The following PLGRKT variants were observed in gnomAD, a reference collection of about 807,000 sequenced individuals.
PLGRKT encodes plasminogen receptor with a C-terminal lysine, also known as plasminogen receptor (KT).
A neutral mutation model predicts 18.5 loss-of-function variants in PLGRKT; 22 were observed. The ratio of observed to expected loss-of-function variants is 1.19; its 90% CI spans 0.85 to 1.70. The LOEUF is 1.70. Ranked by LOEUF, PLGRKT falls within the 40% of genes most tolerant of loss-of-function variation. The pLI is 0.00. For synonymous variants in PLGRKT, 72 were observed against 52.8 expected, an observed-to-expected ratio of 1.36 and a Z score of -1.58; for missense variants, 235 against 174.4, an observed-to-expected ratio of 1.35 and a Z score of -1.96.
At chr9:5,427,836 C>T (rs561333430) in intron 3 of PLGRKT, among the ~76,000 whole-genome samples, 97 of 152,270 alleles carry the variant, frequency 6.4e-4, no homozygotes, top group African/African-American at 2.1e-3. Context: ...GGTTACAGGA[C>T]GTGAGAAGAT....
intron 5 of PLGRKT, among the ~76,000 whole-genome samples, chr9:5,359,924 C>A (rs1817226133): frequency 6.6e-6 from 1 of 152,110 alleles, no homozygotes. Context: ...AAATATGTAT[C>A]ATAATAAAAT....
At chr9:5,400,591 C>A (rs913793731) in intron 3 of PLGRKT, among the ~76,000 whole-genome samples, 1 of 151,872 alleles carries the variant, frequency 6.6e-6, no homozygotes, top group African/African-American at 2.4e-5. Context: ...TACTGAACAT[C>A]ATCCAAATAT....
At chr9:5,372,201 G>C (rs1350283839) in intron 3 of PLGRKT, among the ~76,000 whole-genome samples, 1 of 151,854 alleles carries the variant, frequency 6.6e-6, no homozygotes, top group East Asian at 1.9e-4. Flanking sequence ...GGATAGTCTC[G>C]ATCTCTTGAC....
intron 2 of PLGRKT, among the ~76,000 whole-genome samples, chr9:5,435,367 T>C (rs964644858): frequency 2.7e-5 from 4 of 148,730 alleles, no homozygotes; most frequent in African/African-American, 9.9e-5. Flanking sequence ...TCAAGGTCAG[T>C]AGACCAGTTA....
At chr9:5,434,992 G>C (rs1178021395) in intron 2 of PLGRKT, among the ~76,000 whole-genome samples, 1 of 151,992 alleles carries the variant, frequency 6.6e-6, no homozygotes, top group Non-Finnish European at 1.5e-5. Flanking sequence ...CTTCTGCCTT[G>C]GGATGCTGTT....
intron 3 of PLGRKT, among the ~76,000 whole-genome samples, chr9:5,408,071 A>T (rs976010588): frequency 2.0e-5 from 3 of 152,226 alleles, no homozygotes; most frequent in Admixed American, 2.0e-4. Flanking sequence ...TAACTGGTCT[A>T]AATTTGGAGG....
At chr9:5,391,086 T>C (rs1817941296) in intron 3 of PLGRKT, among the ~76,000 whole-genome samples, 2 of 151,948 alleles carry the variant, frequency 1.3e-5, no homozygotes, top group African/African-American at 2.4e-5. Context: ...AAAAGTACTT[T>C]GCGGAATTGA....
chr9:5,375,156 G>C (rs1254971057), intron 3 of PLGRKT, among the ~76,000 whole-genome samples: 1 of 152,134 alleles, frequency 6.6e-6, no homozygotes, highest in East Asian at 1.9e-4. Context: ...TCCTTTGAAT[G>C]TTTTTCCTTA....
At chr9:5,412,567 G>A (rs1389275057) in intron 3 of PLGRKT, among the ~76,000 whole-genome samples, 3 of 152,164 alleles carry the variant, frequency 2.0e-5, no homozygotes, top group Non-Finnish European at 4.4e-5. Context: ...GATGCAGAAG[G>A]AAGGAGACTT....
intron 3 of PLGRKT, among the ~76,000 whole-genome samples, chr9:5,405,777 G>A (rs1818243854): frequency 6.6e-6 from 1 of 152,128 alleles, no homozygotes; most frequent in South Asian, 2.1e-4. Context: ...TTAAACTAAA[G>A]AGCTTCTGCA....
At chr9:5,385,255 G>T (rs954119086) in intron 3 of PLGRKT, among the ~76,000 whole-genome samples, 2 of 152,004 alleles carry the variant, frequency 1.3e-5, no homozygotes, top group African/African-American at 2.4e-5. Flanking sequence ...TTTTTGGATT[G>T]CTTAAGCCTT....
At chr9:5,385,525 T>G (rs1484687100) in intron 3 of PLGRKT, among the ~76,000 whole-genome samples, 1 of 151,758 alleles carries the variant, frequency 6.6e-6, no homozygotes, top group East Asian at 1.9e-4. Flanking sequence ...TTCCCCTGTC[T>G]TGTTCTGTTT....
At chr9:5,376,469 T>G (rs1817630025) in intron 3 of PLGRKT, among the ~76,000 whole-genome samples, 1 of 152,196 alleles carries the variant, frequency 6.6e-6, no homozygotes, top group African/African-American at 2.4e-5. Context: ...GAGGTTGTTT[T>G]GAGACTTCAT....
chr9:5,393,308 T>G lies in PLGRKT; in HGVS notation c.82-31420A>C, dbSNP rs1341749936. Among the ~76,000 whole-genome samples, 3 of 151,920 alleles carry G rather than the reference T, an allele frequency of 2.0e-5. 1 individual carries two copies. Among genetic ancestry groups the G allele is most frequent in the Admixed American group, 6.6e-5 (1 of 15,264 alleles). On this transcript the variant is annotated intron_variant, in intron 3 of 5. Transcript: ENST00000223864. Reference sequence around the variant, plus strand: ...TAGCTAGTTGGAAAAATGAACATCTTGTAATAATATGAAATATATTTAAAA... The same window carrying G: ...TAGCTAGTTGGAAAAATGAACATCTGGTAATAATATGAAATATATTTAAAA...
At chr9:5,382,277 T>C (rs899761127) in intron 3 of PLGRKT, among the ~76,000 whole-genome samples, 3 of 152,182 alleles carry the variant, frequency 2.0e-5, no homozygotes, top group Admixed American at 6.5e-5. Flanking sequence ...AATTTCAATG[T>C]TGGTCATCAC....
At chr9:5,416,604 C>T (rs1040208187) in intron 3 of PLGRKT, among the ~76,000 whole-genome samples, 12 of 152,118 alleles carry the variant, frequency 7.9e-5, no homozygotes, top group African/African-American at 2.4e-4. Context: ...AAAATTTGCT[C>T]TCTTCAGATT....
At chr9:5,421,114 G>T (rs1818567886) in intron 3 of PLGRKT, among the ~76,000 whole-genome samples, 1 of 152,160 alleles carries the variant, frequency 6.6e-6, no homozygotes, top group Non-Finnish European at 1.5e-5. Context: ...TGGGTACAAG[G>T]CTTGAGCGAC....
chr9:5,398,646 TA>T (rs1818098353), intron 3 of PLGRKT, among the ~76,000 whole-genome samples: 1 of 151,694 alleles, frequency 6.6e-6, no homozygotes, highest in African/African-American at 2.4e-5. Context: ...AATATGGGGG[TA>T]TAAAGCCTTT....
Position 5,432,622 on chromosome 9 carries a change from C to T in PLGRKT, c.-6-639G>A, listed in dbSNP as rs553114962. ...CGGTGATTCTCCTGTCTCGGCCTGC[C>T]GAGTGCCAGGGATTCCAGGCACGCG... On this transcript the variant is annotated intron_variant, in intron 2 of 5. Transcript: ENST00000223864. 7.2e-5 allele frequency among the ~76,000 whole-genome samples: 11 copies of T among 152,154 alleles called. No homozygotes were observed. In the South Asian group the frequency reaches 1.0e-3, roughly 14 times the overall value.
Sources: gnomAD v4.1 joint callset for allele counts (sites outside exome capture counted in the v4.1 genomes callset) on GRCh38, gnomAD v4.1.1 for gene constraint, MANE v1.5 for transcripts, NCBI Gene and HGNC (gene_info 2026-07-23, HGNC 2026-07-21) for gene names.